Variants in RICTOR observed in about 807,000 individuals in gnomAD.
The protein encoded by RICTOR is RPTOR independent companion of MTOR complex 2.
A neutral mutation model predicts 214.9 loss-of-function variants in RICTOR; 49 were observed. The ratio of observed to expected loss-of-function variants is 0.23; its 90% CI spans 0.18 to 0.29. The LOEUF (loss-of-function observed/expected upper bound fraction) is 0.29, where lower values mean the gene tolerates loss of function less well. RICTOR is among the 10% of genes least tolerant of loss of function. RICTOR has a pLI of 1.00. For synonymous variants in RICTOR, 717 were observed against 711.3 expected (o/e 1.01, Z -0.13); for missense variants, 1,625 against 2,047.0 (o/e 0.79, Z 3.98).
At chr5:39,012,826 T>C (rs1754643385) in intron 3 of RICTOR, among the ~76,000 whole-genome samples, 1 of 152,268 alleles carries the variant, frequency 6.6e-6, no homozygotes, top group East Asian at 1.9e-4. Context: ...CCCCATGCCA[T>C]CCATGCATTT....
In RICTOR at chr5:38,962,317, G is replaced by T; in HGVS notation, c.1713C>A (p.His571Gln). Residue 571 changes from histidine to glutamine, a missense_variant and splice_region_variant, in exon 19 of 38, where the codon CAC becomes CAA. Physicochemically the swap from His to Gln is conservative, Grantham distance 24. Transcript: ENST00000357387. The stretch of plus-strand genomic sequence containing the variant: ...AATGCAAAATAGTTCTTACATACCT[G>T]TGTAACTGTTCATCTTTATAGTTTC... ...NLRNYKDEQL[H>Q]RFVRRLLYFY... is the part of the protein sequence containing the mutation. The T allele has an allele frequency of 7.1e-7, 1 of 1,406,574 alleles. No individual in the cohort carries two copies. Among genetic ancestry groups the T allele is most frequent in the South Asian group, 1.2e-5 (1 of 80,462 alleles). The allele number at this position is 1,406,574 out of a possible 1,614,324, so 87.1% of individuals were successfully genotyped here. A position where few individuals can be genotyped will look rare whatever the true frequency, so the allele number is the denominator to read the frequency against.
intron 36 of RICTOR, among the ~76,000 whole-genome samples, chr5:38,943,658 C>G (rs71621891): frequency 7.8e-4 from 118 of 152,126 alleles, no homozygotes; most frequent in Non-Finnish European, 1.5e-3. Context: ...ACTAAAAATA[C>G]AAAAATTAGC....
intron 8 of RICTOR, chr5:38,981,291 T>C (rs1751698616): frequency 6.6e-6 from 1 of 152,366 alleles, no homozygotes; most frequent in African/African-American, 2.4e-5. Context: ...GAAGAAACTA[T>C]AATACAGTGC....
At position 38,945,012 on chromosome 5, in the gene RICTOR, C is replaced by T. The variant is rs1748017243; in HGVS notation, c.4690G>A (p.Glu1564Lys). Reference protein sequence around the residue: ...WCEQTIHNPLEVVPSKFSGIS... With the variant: ...WCEQTIHNPLKVVPSKFSGIS... The stretch of plus-strand genomic sequence containing the variant: ...CCCGAAAACTTAGAGGGAACCACTT[C>T]TAAAGGATTATGGATAGTCTGCTCA... Residue 1564 changes from glutamate (E) to lysine (K), a missense_variant, in exon 35 of 38, where the codon GAA (glutamate) becomes AAA (lysine). Around this residue, in one of 5 missense-constraint regions of RICTOR, gnomAD observed 1,214 missense variants for 1,470.5 expected, o/e 0.83. Transcript: ENST00000357387. The T allele has an allele frequency of 6.2e-6, 10 of 1,612,200 alleles. No homozygotes were observed. In the East Asian group the frequency reaches 2.2e-4, roughly 36 times the overall value.
At chr5:39,060,654 AG>A (rs1156869713) in intron 2 of RICTOR, among the ~76,000 whole-genome samples, 1 of 152,076 alleles carries the variant, frequency 6.6e-6, no homozygotes, top group Non-Finnish European at 1.5e-5. Flanking sequence ...AAGTTAGAAA[AG>A]AACAGGAACC....
chr5:38,990,877 G>GATATATGATAGAT, intron 7 of RICTOR, 72 bp downstream of exon 7: 4 of 846,302 alleles, frequency 4.7e-6, no homozygotes, highest in South Asian at 1.9e-5. Context: ...ATATATGATA[G>GATATATGATAGAT]ATATATATAT....
At chr5:38,943,158 G>T (rs7732218) in intron 36 of RICTOR, 187 bp from the exon 37 acceptor site, 153,605 of 382,950 alleles carry the variant, frequency 0.4, 29,867 homozygotes, top group Admixed American at 0.46. Context: ...CTGAGTTTGG[G>T]TTTTTTTTTA....
Position 38,958,746 on chromosome 5 carries a change from A to G in RICTOR, c.2264T>C (p.Leu755Ser). The G allele has an allele frequency of 6.2e-7, 1 of 1,611,548 alleles. No homozygotes were observed. Among genetic ancestry groups the G allele is most frequent in the Non-Finnish European group, 8.5e-7 (1 of 1,178,392 alleles). The part of the protein sequence containing the change: ...EFFNNWGIEL[L>S]VTQLHDKNKT... ...GTTTTTATCATGTAGCTGGGTCACTAACAACTCAATTCCCCAATTATTAAA... is the reference window on the plus strand; with the variant it reads ...GTTTTTATCATGTAGCTGGGTCACTGACAACTCAATTCCCCAATTATTAAA... The change falls in exon 23 of 38, where the codon TTA becomes TCA. Residue 755 changes from leucine to serine, a missense_variant. Coordinates refer to ENST00000357387, the MANE Select transcript of RICTOR (RefSeq NM_152756.5).
In RICTOR at chr5:38,964,868, G is replaced by T; in HGVS notation, c.1324C>A (p.His442Asn). The T allele has an allele frequency of 6.2e-7, 1 of 1,606,368 alleles. No individual in the cohort carries two copies. Among genetic ancestry groups the T allele is most frequent in the Non-Finnish European group, 8.5e-7 (1 of 1,174,670 alleles). The change falls in exon 16 of 38, where the codon CAT becomes AAT. Residue 442 changes from histidine (H) to asparagine (N), a missense_variant. By Grantham distance (68) the His-to-Asn change is moderately conservative. Coordinates refer to ENST00000357387, the MANE Select transcript of RICTOR (RefSeq NM_152756.5). The stretch of plus-strand genomic sequence containing the variant: ...GGCAAGCAGTGTAAATGATGGCTAT[G>T]TGAATGAGGAAGAATTGTGTTTGCC... ...HMANTILPHSHSHHLHCLPTL... is the reference protein window; with the variant it reads ...HMANTILPHSNSHHLHCLPTL...
intron 7 of RICTOR, among the ~76,000 whole-genome samples, chr5:38,987,304 G>A (rs1276908570): frequency 6.6e-6 from 1 of 152,178 alleles, no homozygotes; most frequent in East Asian, 1.9e-4. Context: ...TGTGGTACCA[G>A]CTCCTCTTTG....
chr5:38,950,866 G>C, intron 30 of RICTOR, 146 bp from the exon 31 acceptor site: 1 of 522,052 alleles, frequency 1.9e-6, no homozygotes, highest in South Asian at 4.1e-5. Flanking sequence ...TCAGCTACTT[G>C]AAAATATCTT....
chr5:38,949,256 T>A (rs977219369), intron 31 of RICTOR: 1 of 682,780 alleles, frequency 1.5e-6, no homozygotes, highest in African/African-American at 1.9e-5. Context: ...TATTTAATAA[T>A]CACAGCTACT....
Position 38,959,818 on chromosome 5 carries a change from T to C in RICTOR, c.2012A>G (p.His671Arg). Residue 671 changes from histidine to arginine, a missense_variant, in exon 21 of 38, where the codon CAT (histidine) becomes CGT (arginine). Physicochemically the swap from His to Arg is conservative, Grantham distance 29 (BLOSUM62 0). Around this residue, in one of 5 missense-constraint regions of RICTOR, gnomAD observed 1,214 missense variants for 1,470.5 expected, o/e 0.83. Transcript: ENST00000357387. The part of the protein sequence containing the change: ...LFIGTLSCHP[H>R]GVKMLEKCSV... ...GCATTTTTCCAGCATTTTAACTCCA[T>C]GAGGGTGGCAAGAAAGTGTTCCAAT... is the stretch of plus-strand genomic sequence containing the variant. 3 of 1,613,400 alleles carry C rather than the reference T, an allele frequency of 1.9e-6. No homozygotes were observed. The highest frequency in any genetic ancestry group is 2.5e-6 in the Non-Finnish European group (3 of 1,179,484).
chr5:38,976,562 G>A (rs1369488928), intron 9 of RICTOR, among the ~76,000 whole-genome samples: 2 of 152,076 alleles, frequency 1.3e-5, no homozygotes, highest in African/African-American at 4.8e-5. Flanking sequence ...CTTGGAAGAA[G>A]GGAGAATCAG....
chr5:39,057,012 C>T (rs1056095127), intron 2 of RICTOR, among the ~76,000 whole-genome samples: 1 of 152,104 alleles, frequency 6.6e-6, no homozygotes, highest in African/African-American at 2.4e-5. Flanking sequence ...GCAAATACCA[C>T]CTTCCAGTAT....
At chr5:38,963,874 C>T (rs1749993326) in intron 16 of RICTOR, among the ~76,000 whole-genome samples, 1 of 151,812 alleles carries the variant, frequency 6.6e-6, no homozygotes, top group African/African-American at 2.4e-5. Context: ...CTGATGTAAG[C>T]CTAGAGACAG....
intron 2 of RICTOR, among the ~76,000 whole-genome samples, chr5:39,051,237 G>C (rs924041443): frequency 3.9e-5 from 6 of 152,130 alleles, no homozygotes; most frequent in Non-Finnish European, 7.4e-5. Flanking sequence ...CAAAAGAATG[G>C]ATAAATAACT....
chr5:38,955,289 A>T (rs932006837), intron 26 of RICTOR, among the ~76,000 whole-genome samples: 2 of 151,982 alleles, frequency 1.3e-5, no homozygotes, highest in Admixed American at 1.3e-4. Context: ...AAAAAATCTG[A>T]AATGCGAAAC....
At chr5:38,993,872 C>T (rs1250083935) in intron 6 of RICTOR, among the ~76,000 whole-genome samples, 5 of 152,040 alleles carry the variant, frequency 3.3e-5, no homozygotes, top group Admixed American at 6.6e-5. Context: ...GTTTCATGCA[C>T]AAAATTCTTA....
Sources: allele counts gnomAD v4.1 joint callset (sites outside exome capture counted in the v4.1 genomes callset), GRCh38; gene constraint gnomAD v4.1.1; regional missense constraint gnomAD v4.1.1; transcripts MANE v1.5; gene names NCBI Gene and HGNC (gene_info 2026-07-23, HGNC 2026-07-21).